The following UGT2B17 variants were observed in gnomAD, a reference collection of about 807,000 sequenced individuals.
UGT2B17 encodes the protein UDP-glucuronosyltransferase 2B17.
Under a neutral mutation model 48.2 loss-of-function variants are expected in UGT2B17, and 21 were observed. That is an observed-to-expected ratio of 0.44 (90% CI 0.31 to 0.63). The LOEUF (loss-of-function observed/expected upper bound fraction) is 0.63. Ranked by LOEUF, UGT2B17 falls within the 20% of genes least tolerant of loss-of-function variation. The pLI, the probability that UGT2B17 is intolerant of heterozygous loss-of-function variation, is 0.08. For missense variants in UGT2B17, 402 were observed against 696.1 expected, an observed-to-expected ratio of 0.58 and a Z score of 4.75; for synonymous variants, 146 against 238.4, an observed-to-expected ratio of 0.61 and a Z score of 3.57.
At position 68,543,593 on chromosome 4, in the gene UGT2B17, G is replaced by C. The variant is rs191450555; in HGVS notation, c.1314-5689C>G. Among the ~76,000 whole-genome samples the C allele has an allele frequency of 3.7e-4, 46 of 125,980 alleles. 12 individuals carry two copies. Among genetic ancestry groups the C allele is most frequent in the African/African-American group, 1.2e-3 (44 of 36,908 alleles). 82.6% of individuals were successfully genotyped at this position (125,980 alleles called of 152,430 possible). On this transcript the variant is annotated intron_variant, in intron 6 of 6. Transcript: ENST00000317746. ...ACAAAGCTGGATGGAGAATGACTTT[G>C]ACGAGTTCAGAGAAGAAGGCTTCAG...
intron 6 of UGT2B17, among the ~76,000 whole-genome samples, chr4:68,547,029 C>A (rs1403681887): frequency 8.3e-6 from 1 of 120,184 alleles, no homozygotes; most frequent in Non-Finnish European, 1.7e-5. Flanking sequence ...CCAATGCCAT[C>A]CCCATCAAGC....
chr4:68,564,503 G>C (rs1367431313), intron 3 of UGT2B17, among the ~76,000 whole-genome samples: 2 of 121,364 alleles, frequency 1.6e-5, no homozygotes, highest in Non-Finnish European at 3.4e-5. Context: ...TGGCCAGTCT[G>C]GTCTCAAACT....
rs1730739757 is a variant in UGT2B17 at position 68,543,913 on chromosome 4, C to T, written c.1314-6009G>A. Among the ~76,000 whole-genome samples, 2 of 125,598 alleles carry T rather than the reference C, an allele frequency of 1.6e-5. 1 individual carries two copies. The highest frequency in any genetic ancestry group is 3.4e-5 in the Non-Finnish European group (2 of 59,484). 82.4% of individuals were successfully genotyped at this position (125,598 alleles called of 152,430 possible). Reference sequence around the variant, plus strand: ...AATAAAAAGAAATGAACAAAGCCTCCAAGAAATATGGGACTATGTGAAAAG... The same window carrying T: ...AATAAAAAGAAATGAACAAAGCCTCTAAGAAATATGGGACTATGTGAAAAG... On this transcript the variant is annotated intron_variant, in intron 6 of 6. Coordinates refer to ENST00000317746, the MANE Select transcript of UGT2B17 (RefSeq NM_001077.4).
chr4:68,573,856 A>G lies in UGT2B17; in HGVS notation c.-65+2095T>C, dbSNP rs1423402737. 3.2e-5 allele frequency among the ~76,000 whole-genome samples: 4 copies of G among 126,878 alleles called. 1 individual carries two copies. Among genetic ancestry groups the G allele is most frequent in the African/African-American group, 1.1e-4 (4 of 37,040 alleles). 83.2% of individuals were successfully genotyped at this position (126,878 alleles called of 152,430 possible). A position where few individuals can be genotyped will look rare whatever the true frequency, so the allele number is the denominator to read the frequency against. On this transcript the variant is annotated intron_variant, in intron 1 of 6. Transcript: ENST00000317746. ...TTTCCTCCCTGCCGTGAGAGACAGGAAGTGAACTTAGTGTTGAGAGACAGA... is the reference window on the plus strand; with the variant it reads ...TTTCCTCCCTGCCGTGAGAGACAGGGAGTGAACTTAGTGTTGAGAGACAGA...
chr4:68,568,893 C>A (rs1457086079), intron 1 of UGT2B17, among the ~76,000 whole-genome samples: 2 of 137,470 alleles, frequency 1.5e-5, no homozygotes, highest in Non-Finnish European at 3.2e-5. Context: ...TTAGTGTGTA[C>A]AGTTCAATGT....
At position 68,552,011 on chromosome 4, in the gene UGT2B17, A is replaced by C; in HGVS notation, c.1006-100T>G. 2 of 851,218 alleles carry C rather than the reference A, an allele frequency of 2.3e-6. 1 individual carries two copies. The highest frequency in any genetic ancestry group is 3.1e-6 in the Non-Finnish European group (2 of 641,668). 52.7% of individuals were successfully genotyped at this position (851,218 alleles called of 1,614,324 possible). ...TTAATAATCAGTTAATCCATATAAAAGATGAAGAAATAAGAAGAAGTGATG... is the reference window on the plus strand; with the variant it reads ...TTAATAATCAGTTAATCCATATAAACGATGAAGAAATAAGAAGAAGTGATG... On this transcript the variant is annotated intron_variant, in intron 4 of 6. Transcript: ENST00000317746.
chr4:68,560,853 C>A (rs1731090499), intron 3 of UGT2B17, among the ~76,000 whole-genome samples, 185 bp from the exon 4 acceptor site: 1 of 125,892 alleles, frequency 7.9e-6, no homozygotes, highest in Non-Finnish European at 1.7e-5. Flanking sequence ...ATCTTTCATG[C>A]AAATTTGTGT....
chr4:68,544,901 T>C (rs1440925439), intron 6 of UGT2B17, among the ~76,000 whole-genome samples: 1 of 126,194 alleles, frequency 7.9e-6, no homozygotes, highest in Non-Finnish European at 1.7e-5. Flanking sequence ...CTATCCTAAA[T>C]ATACATGCAC....
Position 68,561,174 on chromosome 4 carries a change from C to G in UGT2B17, c.874-506G>C, listed in dbSNP as rs1731095684. Among the ~76,000 whole-genome samples, 2 of 123,236 alleles carry G rather than the reference C, an allele frequency of 1.6e-5. 1 individual carries two copies. The highest frequency in any genetic ancestry group is 3.4e-5 in the Non-Finnish European group (2 of 58,918). 80.8% of individuals were successfully genotyped at this position (123,236 alleles called of 152,430 possible). On this transcript the variant is annotated intron_variant, in intron 3 of 6. Coordinates refer to ENST00000317746, the MANE Select transcript of UGT2B17 (RefSeq NM_001077.4). ...ATGAGCAATGAGGAAAAGTTAGTTACAATTAGAATGATTTTATATCTACAT... is the reference window on the plus strand; with the variant it reads ...ATGAGCAATGAGGAAAAGTTAGTTAGAATTAGAATGATTTTATATCTACAT...
chr4:68,573,053 T>C (rs1331133672), intron 1 of UGT2B17, among the ~76,000 whole-genome samples: 2 of 127,860 alleles, frequency 1.6e-5, no homozygotes, highest in Admixed American at 7.9e-5. Context: ...CTAGTTAGTC[T>C]ATCATTTATT....
chr4:68,574,366 G>A (rs1731337273), intron 1 of UGT2B17, among the ~76,000 whole-genome samples: 1 of 126,106 alleles, frequency 7.9e-6, no homozygotes, highest in African/African-American at 2.7e-5. Context: ...ATAAAACCTT[G>A]TAGACATATT....
At chr4:68,555,101 TAAC>T (rs1379116352) in intron 4 of UGT2B17, among the ~76,000 whole-genome samples, 1 of 126,278 alleles carries the variant, frequency 7.9e-6, no homozygotes, top group African/African-American at 2.7e-5. Context: ...ATAAATAAGA[TAAC>T]AACAATTATT....
At position 68,546,688 on chromosome 4, in the gene UGT2B17, G is replaced by A. The variant is rs1232704937; in HGVS notation, c.1313+3989C>T. ...ATATCTAGAAAACCTGATCGTCTGA[G>A]CCCCAAATCTCCTTAAGCTGATAAG... On this transcript the variant is annotated intron_variant, in intron 6 of 6. Coordinates refer to ENST00000317746, the MANE Select transcript of UGT2B17 (RefSeq NM_001077.4). Among the ~76,000 whole-genome samples the A allele has an allele frequency of 1.6e-5, 2 of 125,784 alleles. 1 individual carries two copies. The highest frequency in any genetic ancestry group is 3.4e-5 in the Non-Finnish European group (2 of 59,486). The allele number at this position is 125,784 out of a possible 152,430, so 82.5% of individuals were successfully genotyped here. A position where few individuals can be genotyped will look rare whatever the true frequency, so the allele number is the denominator to read the frequency against.
At position 68,542,299 on chromosome 4, in the gene UGT2B17, C is replaced by T. The variant is rs192036198; in HGVS notation, c.1314-4395G>A. The stretch of plus-strand genomic sequence containing the variant: ...AATAGTATAGTTTGACATCAGGTAG[C>T]GTGATGCCTCCAGCTTTGTTCTTTT... On this transcript the variant is annotated intron_variant, in intron 6 of 6. Coordinates refer to ENST00000317746, the MANE Select transcript of UGT2B17 (RefSeq NM_001077.4). Among the ~76,000 whole-genome samples, 247 of 126,154 alleles carry T rather than the reference C, an allele frequency of 2.0e-3. 40 individuals carry two copies. Among genetic ancestry groups the T allele is most frequent in the African/African-American group, 6.3e-3 (233 of 36,916 alleles). 82.8% of individuals were successfully genotyped at this position (126,154 alleles called of 152,430 possible).
At position 68,550,567 on chromosome 4, in the gene UGT2B17, ATCACT is replaced by A. The variant is rs1730895496; in HGVS notation, c.1313+105_1313+109del. 1.3e-5 allele frequency: 11 copies of A among 844,340 alleles called. 3 individuals are homozygous for A. The highest frequency in any genetic ancestry group is 1.8e-5 in the Non-Finnish European group (11 of 624,040). 52.3% of individuals were successfully genotyped at this position (844,340 alleles called of 1,614,324 possible). ...TAAGAGCAGATTTTACATTGGTTAA[ATCACT>A]TCAATCCCTTCAAAATTAGTCTCTT... is the stretch of plus-strand genomic sequence containing the variant. On this transcript the variant is annotated intron_variant, in intron 6 of 6. Coordinates refer to ENST00000317746, the MANE Select transcript of UGT2B17 (RefSeq NM_001077.4).
rs1461211059 is a variant in UGT2B17, at chr4:68,555,467, A to G, written c.1006-3556T>C. On this transcript the variant is annotated intron_variant, in intron 4 of 6. Transcript: ENST00000317746. ...TTATTTCAAAGCTAAACTATAAACT[A>G]AGTTCCTCCTTAAGTTAGTTTGGCC... 4.8e-5 allele frequency among the ~76,000 whole-genome samples: 6 copies of G among 126,074 alleles called. 2 individuals are homozygous for G. Among genetic ancestry groups the G allele is most frequent in the Admixed American group, 1.6e-4 (2 of 12,192 alleles). 82.7% of individuals were successfully genotyped at this position (126,074 alleles called of 152,430 possible). A position where few individuals can be genotyped will look rare whatever the true frequency, so the allele number is the denominator to read the frequency against.
chr4:68,560,722 G>A (rs62316990), intron 3 of UGT2B17, 54 bp from the exon 4 acceptor site: 123,136 of 892,316 alleles, frequency 0.14, 36,484 homozygotes, highest in African/African-American at 0.68. Context: ...AGAAAACACT[G>A]TTGACAGGAT....
chr4:68,576,222 A>T lies in UGT2B17; in HGVS notation c.-336T>A, dbSNP rs1731372733. ...GGGTCAGGGAGCCAAGAAATGTAGC[A>T]GGACGAGCCACAGACAAAACCTCTC... On this transcript the variant is annotated 5_prime_UTR_variant, in exon 1 of 7. Coordinates refer to ENST00000317746, the MANE Select transcript of UGT2B17 (RefSeq NM_001077.4). Among the ~76,000 whole-genome samples the T allele has an allele frequency of 7.9e-6, 1 of 125,972 alleles. No homozygotes were observed. Among genetic ancestry groups the T allele is most frequent in the African/African-American group, 2.7e-5 (1 of 36,670 alleles). The allele number at this position is 125,972 out of a possible 152,430, so 82.6% of individuals were successfully genotyped here. A position where few individuals can be genotyped will look rare whatever the true frequency, so the allele number is the denominator to read the frequency against.
rs1731248911 is a variant in UGT2B17 at position 68,568,549 on chromosome 4, C to G, written c.-64-1G>C. On this transcript the variant is annotated splice_acceptor_variant, in intron 1 of 6. Transcript: ENST00000317746. LOFTEE classifies it low-confidence loss of function (5UTR_SPLICE). ...TTTCTGTCATTTCTCATACTTATAT[C>G]TGAGGAAAAATCAATCAAGTTAAAA... 3 of 1,243,298 alleles carry G rather than the reference C, an allele frequency of 2.4e-6. No homozygotes were observed. Among genetic ancestry groups the G allele is most frequent in the Admixed American group, 6.3e-5 (2 of 31,944 alleles). 77.0% of individuals were successfully genotyped at this position (1,243,298 alleles called of 1,614,324 possible). A position where few individuals can be genotyped will look rare whatever the true frequency, so the allele number is the denominator to read the frequency against.
Sources: allele counts gnomAD v4.1 joint callset (sites outside exome capture counted in the v4.1 genomes callset), GRCh38; gene constraint gnomAD v4.1.1; transcripts MANE v1.5; gene names NCBI Gene and HGNC (gene_info 2026-07-23, HGNC 2026-07-21).